The following TLK1 variants were observed in gnomAD, a reference collection of about 807,000 sequenced individuals.
The protein encoded by TLK1 is serine/threonine-protein kinase tousled-like 1.
TLK1 carries 24 observed loss-of-function variants against 105.3 expected under a neutral mutation model. That is an observed-to-expected ratio of 0.23 (90% CI 0.17 to 0.32). The LOEUF (loss-of-function observed/expected upper bound fraction) is 0.32. Ranked by LOEUF, TLK1 falls within the 10% of genes least tolerant of loss-of-function variation. The probability of loss-of-function intolerance (pLI) is 1.00; values close to 1 mark genes in which losing one functional copy is unlikely to be tolerated. For missense variants in TLK1, 558 were observed against 910.5 expected, an observed-to-expected ratio of 0.61 and a Z score of 4.98; for synonymous variants, 321 against 310.4, an observed-to-expected ratio of 1.03 and a Z score of -0.36.
At chr2:170,997,159 G>A (rs1051920621) in intron 19 of TLK1, among the ~76,000 whole-genome samples, 8 of 152,166 alleles carry the variant, frequency 5.3e-5, no homozygotes, top group Admixed American at 4.6e-4. Flanking sequence ...TTAAATGAAG[G>A]AGCTCTGGAT....
rs147314903 is a variant in TLK1 at position 171,068,100 on chromosome 2, G to T, written c.331-6944C>A. Among the ~76,000 whole-genome samples, 280 of 152,248 alleles carry T rather than the reference G, an allele frequency of 1.8e-3. 3 individuals are homozygous for T. The highest frequency in any genetic ancestry group is 6.6e-3 in the African/African-American group (273 of 41,540). On this transcript the variant is annotated intron_variant, in intron 3 of 20. Coordinates refer to ENST00000431350, the MANE Select transcript of TLK1 (RefSeq NM_012290.5). ...CTAGCACTTTGGGAGGCCAAGGTGG[G>T]TGGATCACCTGAGGTCAGGAGTTCG...
At chr2:171,044,220 C>G (rs1686830370) in intron 11 of TLK1, among the ~76,000 whole-genome samples, 1 of 151,936 alleles carries the variant, frequency 6.6e-6, no homozygotes. Context: ...CCCAGGAGTT[C>G]AAGACAAGCC....
rs116975230 is a variant in TLK1, at chr2:170,999,026, A to C, written c.1905-1203T>G. Among the ~76,000 whole-genome samples, 90 of 152,330 alleles carry C rather than the reference A, an allele frequency of 5.9e-4. 2 individuals are homozygous for C. In the East Asian group the frequency reaches 0.012, roughly 20 times the overall value. The stretch of plus-strand genomic sequence containing the variant: ...CGTGATCCTCCCACCTTGGCCTCGC[A>C]AAGTGCTAGGATTACAGGCATGAGC... On this transcript the variant is annotated intron_variant, in intron 18 of 20. Coordinates refer to ENST00000431350, the MANE Select transcript of TLK1 (RefSeq NM_012290.5).
At chr2:171,170,323 A>G (rs1692702709) in intron 1 of TLK1, among the ~76,000 whole-genome samples, 1 of 152,262 alleles carries the variant, frequency 6.6e-6, no homozygotes, top group Admixed American at 6.5e-5. Context: ...TATAAACATG[A>G]GATACACAAA....
intron 3 of TLK1, among the ~76,000 whole-genome samples, chr2:171,074,737 A>G (rs184341707): frequency 6.6e-6 from 1 of 152,268 alleles, no homozygotes; most frequent in African/African-American, 2.4e-5. Context: ...AAGATAAATA[A>G]AAGACAGAGG....
chr2:171,107,311 T>C lies in TLK1; in HGVS notation c.258+10428A>G, dbSNP rs1689971312. On this transcript the variant is annotated intron_variant, in intron 2 of 20. Transcript: ENST00000431350. ...AAATGGTGTCCATTTTAGACACATT[T>C]CTCTTTTGTAATAACTAATCTATGG... Among the ~76,000 whole-genome samples, 3 of 152,210 alleles carry C rather than the reference T, an allele frequency of 2.0e-5. No homozygotes were observed. In the South Asian group the frequency reaches 6.2e-4, roughly 32 times the overall value.
intron 1 of TLK1, among the ~76,000 whole-genome samples, chr2:171,188,234 C>T (rs1200276506): frequency 1.3e-5 from 2 of 152,176 alleles, no homozygotes; most frequent in African/African-American, 4.8e-5. Context: ...TAATCCTGTA[C>T]ACACTTAAAA....
chr2:171,186,229 A>T (rs13417864), intron 1 of TLK1, among the ~76,000 whole-genome samples: 37,837 of 152,188 alleles, frequency 0.25, 5,030 homozygotes, highest in Middle Eastern at 0.31. Context: ...CGAAATGCCT[A>T]TAGGAAACAC....
chr2:171,079,627 T>C (rs892554469), intron 3 of TLK1, among the ~76,000 whole-genome samples: 6 of 152,228 alleles, frequency 3.9e-5, no homozygotes, highest in Admixed American at 2.0e-4. Context: ...TACCATCTTC[T>C]TTTATTTACG....
chr2:171,079,197 G>A (rs918195947), intron 3 of TLK1, among the ~76,000 whole-genome samples: 1 of 152,150 alleles, frequency 6.6e-6, no homozygotes, highest in African/African-American at 2.4e-5. Context: ...TAGTCCCTCT[G>A]TATACCTTCT....
At chr2:171,023,452 T>A (rs1006681430) in intron 12 of TLK1, among the ~76,000 whole-genome samples, 2 of 150,906 alleles carry the variant, frequency 1.3e-5, no homozygotes, top group Non-Finnish European at 3.0e-5. Flanking sequence ...AACACACACA[T>A]TAAAGCCAAT....
chr2:171,131,833 C>CTT (rs886751935), intron 1 of TLK1, among the ~76,000 whole-genome samples: 23 of 148,042 alleles, frequency 1.6e-4, no homozygotes, highest in African/African-American at 5.7e-4. Context: ...TTTCCACATA[C>CTT]TTTTTTTTTT....
chr2:171,013,153 C>T (rs933263310), intron 13 of TLK1, among the ~76,000 whole-genome samples: 1 of 151,652 alleles, frequency 6.6e-6, no homozygotes, highest in Admixed American at 6.6e-5. Flanking sequence ...GCTGGGATTA[C>T]AGGCGCCCAC....
intron 1 of TLK1, among the ~76,000 whole-genome samples, chr2:171,138,846 G>A (rs989999042): frequency 5.3e-5 from 8 of 152,004 alleles, no homozygotes; most frequent in Non-Finnish European, 1.0e-4. Context: ...GTTGCTAGTG[G>A]CACTCTAAAG....
In TLK1 at chr2:171,160,152, T is replaced by C. The variant is rs1046269619; in HGVS notation, c.139+138A>G. ...CCCAGAGCCGGGGAGCCGGGCGGCC[T>C]CGCGTCCACCTCGCCACCATCCCCC... On this transcript the variant is annotated intron_variant, in intron 1 of 20. Coordinates refer to ENST00000431350, the MANE Select transcript of TLK1 (RefSeq NM_012290.5). The surrounding 1 kb of genome is among the most constrained non-coding windows in gnomAD (Gnocchi z 4.4). 2.0e-6 allele frequency: 2 copies of C among 1,000,924 alleles called. No homozygotes were observed. Among genetic ancestry groups the C allele is most frequent in the Non-Finnish European group, 2.6e-6 (2 of 780,310 alleles). The allele number at this position is 1,000,924 out of a possible 1,614,324, so 62.0% of individuals were successfully genotyped here.
intron 7 of TLK1, chr2:171,054,199 C>A (rs112634442): frequency 3.1e-5 from 5 of 162,978 alleles, no homozygotes; most frequent in African/African-American, 1.2e-4. Flanking sequence ...TTATGGTACA[C>A]AACACGATGT....
chr2:171,165,929 C>T (rs1051383199), intron 1 of TLK1, among the ~76,000 whole-genome samples: 4 of 151,984 alleles, frequency 2.6e-5, no homozygotes, highest in Admixed American at 6.6e-5. Flanking sequence ...GAAATGAGTC[C>T]GGAGACTGGA....
intron 14 of TLK1, among the ~76,000 whole-genome samples, chr2:171,007,968 T>C (rs923170950): frequency 6.6e-6 from 1 of 152,106 alleles, no homozygotes; most frequent in Non-Finnish European, 1.5e-5. Flanking sequence ...ATGAATACCA[T>C]TAAAGAGACA....
intron 1 of TLK1, among the ~76,000 whole-genome samples, chr2:171,202,316 G>A (rs1693419877): frequency 6.6e-6 from 1 of 152,144 alleles, no homozygotes; most frequent in African/African-American, 2.4e-5. Context: ...GCCGGACGTG[G>A]TGGTGCATGC....
Sources: gnomAD v4.1 joint callset for allele counts (sites outside exome capture counted in the v4.1 genomes callset) on GRCh38, gnomAD v4.1.1 for gene constraint, Gnocchi (gnomAD v3.1) non-coding constraint, MANE v1.5 for transcripts, NCBI Gene and HGNC (gene_info 2026-07-23, HGNC 2026-07-21) for gene names.